The following ZNF407 variants were observed in gnomAD, a reference collection of about 807,000 sequenced individuals.
The protein encoded by ZNF407 is zinc finger protein 407.
In ZNF407, 17 loss-of-function variants were observed where a neutral mutation model predicts 131.2. That is an observed-to-expected ratio of 0.13 (90% CI 0.09 to 0.19). The LOEUF (loss-of-function observed/expected upper bound fraction) is 0.19, where lower values mean the gene tolerates loss of function less well. Ranked by LOEUF, ZNF407 falls within the 10% of genes least tolerant of loss-of-function variation. The probability of loss-of-function intolerance (pLI) is 1.00; values close to 1 mark genes in which losing one functional copy is unlikely to be tolerated. For synonymous variants in ZNF407, 1,156 were observed against 1,062.0 expected (o/e 1.09, Z -1.72); for missense variants, 2,681 against 2,830.6 (o/e 0.95, Z 1.20).
At chr18:74,995,640 T>C (rs774322461) in intron 8 of ZNF407, among the ~76,000 whole-genome samples, 8 of 152,250 alleles carry the variant, frequency 5.3e-5, no homozygotes, top group Non-Finnish European at 1.2e-4. Flanking sequence ...TCTTAATCTT[T>C]TTTAATGAAA....
intron 3 of ZNF407, among the ~76,000 whole-genome samples, chr18:74,741,858 T>A (rs112578577): frequency 5.7e-4 from 87 of 152,294 alleles, no homozygotes; most frequent in African/African-American, 1.7e-3. Flanking sequence ...TGTCATGCTC[T>A]ATGAAAAAGC....
intron 3 of ZNF407, among the ~76,000 whole-genome samples, chr18:74,650,055 T>G (rs1175095072): frequency 6.6e-6 from 1 of 152,220 alleles, no homozygotes; most frequent in Admixed American, 6.5e-5. Context: ...TCTCTTTTCC[T>G]TAAGATGATA....
At chr18:74,810,958 A>G (rs944252789) in intron 4 of ZNF407, among the ~76,000 whole-genome samples, 8 of 152,238 alleles carry the variant, frequency 5.3e-5, no homozygotes, top group Admixed American at 2.6e-4. Flanking sequence ...CTTCATGTCT[A>G]AAACACCAAA....
intron 7 of ZNF407, among the ~76,000 whole-genome samples, chr18:74,904,372 T>C (rs1306382701): frequency 6.6e-6 from 1 of 152,228 alleles, no homozygotes; most frequent in Admixed American, 6.5e-5. Context: ...TAAGGAAATG[T>C]ATTATTTTTT....
intron 5 of ZNF407, 54 bp from the exon 6 acceptor site, chr18:74,880,982 T>C: frequency 2.8e-6 from 4 of 1,444,698 alleles, no homozygotes; most frequent in Non-Finnish European, 3.8e-6. Flanking sequence ...TTGATAGATA[T>C]GTTTTAATGA....
At chr18:74,992,857 A>T (rs1195281764) in intron 8 of ZNF407, among the ~76,000 whole-genome samples, 1 of 152,248 alleles carries the variant, frequency 6.6e-6, no homozygotes, top group Non-Finnish European at 1.5e-5. Flanking sequence ...TTAAGCAGCC[A>T]AAAAGCACAT....
At chr18:75,025,594 C>A (rs905825084) in intron 8 of ZNF407, among the ~76,000 whole-genome samples, 1 of 152,170 alleles carries the variant, frequency 6.6e-6, no homozygotes, top group East Asian at 1.9e-4. Context: ...ACCTTTTCCC[C>A]ACCACCTCTC....
chr18:74,685,382 G>T (rs985999735), intron 3 of ZNF407, among the ~76,000 whole-genome samples: 1 of 152,046 alleles, frequency 6.6e-6, no homozygotes, highest in African/African-American at 2.4e-5. Flanking sequence ...GGCATCCCCC[G>T]GTCCTGGCAC....
At chr18:74,733,536 A>C (rs1205955091) in intron 3 of ZNF407, among the ~76,000 whole-genome samples, 2 of 152,204 alleles carry the variant, frequency 1.3e-5, no homozygotes, top group Non-Finnish European at 2.9e-5. Flanking sequence ...CAGTCTAAAA[A>C]AAATCTAGAA....
intron 7 of ZNF407, among the ~76,000 whole-genome samples, chr18:74,913,749 A>T (rs1971707300): frequency 6.6e-6 from 1 of 152,136 alleles, no homozygotes; most frequent in African/African-American, 2.4e-5. Flanking sequence ...TAAACATCAA[A>T]TTTTTTACAA....
At chr18:74,780,537 ATGCTGTTGCC>A (rs1969578032) in intron 3 of ZNF407, among the ~76,000 whole-genome samples, 1 of 152,212 alleles carries the variant, frequency 6.6e-6, no homozygotes, top group Non-Finnish European at 1.5e-5. Flanking sequence ...ATGCAAATAG[ATGCTGTTGCC>A]TTTCAGCTAT....
chr18:74,816,971 T>C (rs1459444411), intron 4 of ZNF407, among the ~76,000 whole-genome samples: 1 of 152,192 alleles, frequency 6.6e-6, no homozygotes, highest in Non-Finnish European at 1.5e-5. Context: ...AAATTTATCT[T>C]TGAATAAAAT....
chr18:74,786,592 T>C (rs918349448), intron 4 of ZNF407, among the ~76,000 whole-genome samples: 1 of 151,976 alleles, frequency 6.6e-6, no homozygotes, highest in Non-Finnish European at 1.5e-5. Context: ...GAGGAAAACA[T>C]GTCAGTTCTT....
chr18:74,629,334 A>G (rs145954885), intron 1 of ZNF407, among the ~76,000 whole-genome samples: 187 of 152,224 alleles, frequency 1.2e-3, no homozygotes, highest in African/African-American at 4.4e-3. Context: ...TCATATGTGT[A>G]TTATGTATAT....
At chr18:74,650,035 G>A (rs1256868480) in intron 3 of ZNF407, among the ~76,000 whole-genome samples, 3 of 152,118 alleles carry the variant, frequency 2.0e-5, no homozygotes, top group Non-Finnish European at 2.9e-5. Context: ...TCATTGTGAG[G>A]CAACTGTTTT....
intron 7 of ZNF407, among the ~76,000 whole-genome samples, chr18:74,915,691 G>A (rs1369283483): frequency 5.8e-5 from 4 of 68,856 alleles, no homozygotes; most frequent in Admixed American, 2.7e-4. Context: ...GGTTCGAATC[G>A]GGAGTGTGTG....
chr18:74,712,311 T>G (rs1163111795), intron 3 of ZNF407, among the ~76,000 whole-genome samples: 6 of 152,206 alleles, frequency 3.9e-5, no homozygotes, highest in Admixed American at 6.5e-5. Context: ...AAATGCTGCT[T>G]CTTTTGGGTA....
chr18:74,734,922 T>C (rs12104072), intron 3 of ZNF407, among the ~76,000 whole-genome samples: 17,042 of 152,192 alleles, frequency 0.11, 1,490 homozygotes, highest in African/African-American at 0.24. Flanking sequence ...TTATTTTCTG[T>C]TGTAAGTTTA....
chr18:74,743,175 G>A (rs1219445167), intron 3 of ZNF407, among the ~76,000 whole-genome samples: 1 of 152,136 alleles, frequency 6.6e-6, no homozygotes, highest in Admixed American at 6.6e-5. Flanking sequence ...CAAGTTACAG[G>A]GGTTAGGGAT....
Sources: gnomAD v4.1 joint callset for allele counts (sites outside exome capture counted in the v4.1 genomes callset) on GRCh38, gnomAD v4.1.1 for gene constraint, MANE v1.5 for transcripts, NCBI Gene and HGNC (gene_info 2026-07-23, HGNC 2026-07-21) for gene names.